Variants in CCDC102B observed in about 807,000 individuals in gnomAD.
CCDC102B encodes the protein coiled-coil domain containing 102B.
In CCDC102B, 75 loss-of-function variants were observed where a neutral mutation model predicts 57.4. That is an observed-to-expected ratio of 1.31 (90% confidence interval 1.08 to 1.58). The LOEUF is 1.58. Among genes scored for constraint, CCDC102B ranks in the 40% most tolerant of loss-of-function variants. CCDC102B has a pLI of 0.00. For missense variants in CCDC102B, 636 were observed against 582.6 expected, an observed-to-expected ratio of 1.09 and a Z score of -0.94; for synonymous variants, 206 against 201.9, an observed-to-expected ratio of 1.02 and a Z score of -0.17.
chr18:68,918,992 T>G (rs541850370), intron 6 of CCDC102B, among the ~76,000 whole-genome samples: 1 of 152,122 alleles, frequency 6.6e-6, no homozygotes, highest in Admixed American at 6.6e-5. Flanking sequence ...GGAATATACA[T>G]TATCACATCT....
At chr18:68,900,119 C>T (rs540138060) in intron 6 of CCDC102B, 2 of 152,248 alleles carry the variant, frequency 1.3e-5, no homozygotes, top group South Asian at 2.1e-4. Flanking sequence ...TTTCGATTTG[C>T]TGTTGCTCTT....
chr18:68,794,237 A>G (rs761490901), upstream of CCDC102B, among the ~76,000 whole-genome samples: 45 of 152,108 alleles, frequency 3.0e-4, no homozygotes, highest in Admixed American at 7.9e-4. Flanking sequence ...TCACCAGCTT[A>G]TTATCATTTA....
intron 2 of CCDC102B, among the ~76,000 whole-genome samples, chr18:68,784,363 T>TTA (rs2035114651): frequency 6.6e-6 from 1 of 152,026 alleles, no homozygotes. Flanking sequence ...ACGAGAATTC[T>TTA]TATCATGAGA....
intron 2 of CCDC102B, among the ~76,000 whole-genome samples, chr18:68,780,190 G>A (rs2034960708): frequency 6.6e-6 from 1 of 151,904 alleles, no homozygotes; most frequent in Non-Finnish European, 1.5e-5. Context: ...GCATGCATCA[G>A]TACTTTATTG....
At chr18:68,815,670 A>G (rs1048641787) in intron 1 of CCDC102B, among the ~76,000 whole-genome samples, 1 of 90,828 alleles carries the variant, frequency 1.1e-5, no homozygotes, top group Non-Finnish European at 2.4e-5. Flanking sequence ...CTTCACCTCC[A>G]TTTACATACA....
At chr18:68,789,118 G>T (rs1034354155) in intron 2 of CCDC102B, among the ~76,000 whole-genome samples, 6 of 152,108 alleles carry the variant, frequency 3.9e-5, no homozygotes, top group Non-Finnish European at 7.4e-5. Context: ...TGAAATTCTG[G>T]GTTGAAAATT....
At chr18:68,757,685 T>G (rs2034100129) in intron 2 of CCDC102B, among the ~76,000 whole-genome samples, 1 of 152,180 alleles carries the variant, frequency 6.6e-6, no homozygotes. Context: ...ATTTAAGATT[T>G]TAAAGAAAAA....
chr18:68,956,584 ATATT>A lies in CCDC102B; in HGVS notation c.1264-54349_1264-54346del, dbSNP rs1375982953. ...TATATTATATATTTTATATATATAA[ATATT>A]ATATATATATTATATATATATAAAA... On this transcript the variant is annotated intron_variant, in intron 6 of 7. Transcript: ENST00000360242. Among the ~76,000 whole-genome samples the A allele has an allele frequency of 1.0e-3, 54 of 52,578 alleles. 3 individuals carry two copies. The highest frequency in any genetic ancestry group is 4.1e-3 in the African/African-American group (52 of 12,754). 34.5% of individuals were successfully genotyped at this position (52,578 alleles called of 152,430 possible).
intron 2 of CCDC102B, among the ~76,000 whole-genome samples, chr18:68,783,840 C>T (rs768661320): frequency 2.0e-5 from 3 of 152,054 alleles, no homozygotes; most frequent in African/African-American, 2.4e-5. Context: ...ACATACTATA[C>T]GGAGCCTATT....
intron 2 of CCDC102B, among the ~76,000 whole-genome samples, chr18:68,735,611 G>A (rs949250475): frequency 2.6e-5 from 4 of 151,988 alleles, no homozygotes; most frequent in Non-Finnish European, 5.9e-5. Context: ...TGCATATCCT[G>A]TTTGGCCCAA....
intron 2 of CCDC102B, among the ~76,000 whole-genome samples, chr18:68,765,303 AGG>A (rs1449605734): frequency 0.017 from 1,437 of 84,876 alleles, 34 homozygotes; most frequent in African/African-American, 0.059. Flanking sequence ...AAAGGAAGGA[AGG>A]AAGGAAGGAA....
rs2041405961 is a variant in CCDC102B at position 68,924,430 on chromosome 18, C to G, written c.1263+27002C>G. Among the ~76,000 whole-genome samples the G allele has an allele frequency of 3.3e-5, 5 of 152,202 alleles. No individual in the cohort carries two copies. In the South Asian group the frequency reaches 1.0e-3, roughly 32 times the overall value. ...ACCTTGTGAAGACGGTGTCTTGCTT[C>G]CTCTCTGCCTTCTGCCATAATTGTA... is the stretch of plus-strand genomic sequence containing the variant. On this transcript the variant is annotated intron_variant, in intron 6 of 7. Transcript: ENST00000360242.
chr18:68,895,433 A>G (rs1434908002), intron 5 of CCDC102B, among the ~76,000 whole-genome samples: 1 of 151,766 alleles, frequency 6.6e-6, no homozygotes, highest in Non-Finnish European at 1.5e-5. Context: ...ATATTGTTGA[A>G]ATGTAACATT....
chr18:68,905,729 C>T (rs73462087), intron 6 of CCDC102B, among the ~76,000 whole-genome samples: 5,916 of 147,564 alleles, frequency 0.04, 200 homozygotes, highest in African/African-American at 0.082. Flanking sequence ...TTCTGGATTT[C>T]GGGATATTTC....
chr18:69,040,385 G>GGTGTGTGTGT (rs908583162), intron 7 of CCDC102B, among the ~76,000 whole-genome samples: 2 of 57,314 alleles, frequency 3.5e-5, no homozygotes, highest in African/African-American at 6.4e-5. Context: ...TAGATGCAGG[G>GGTGTGTGTGT]GTGTGTGTGT....
chr18:68,834,818 T>C (rs1259036230), intron 1 of CCDC102B, among the ~76,000 whole-genome samples: 1 of 151,944 alleles, frequency 6.6e-6, no homozygotes, highest in Non-Finnish European at 1.5e-5. Flanking sequence ...AGTCTTTTTT[T>C]CCCAATGATT....
At chr18:68,927,541 T>A (rs1174297681) in intron 6 of CCDC102B, among the ~76,000 whole-genome samples, 1 of 151,996 alleles carries the variant, frequency 6.6e-6, no homozygotes, top group Non-Finnish European at 1.5e-5. Flanking sequence ...TTTCCCTACC[T>A]GGGAAGACGC....
At chr18:68,721,906 A>G (rs1437856929) in intron 2 of CCDC102B, among the ~76,000 whole-genome samples, 1 of 152,208 alleles carries the variant, frequency 6.6e-6, no homozygotes, top group African/African-American at 2.4e-5. Context: ...AACCTCAACC[A>G]TAGGAACTTG....
chr18:68,945,444 T>C (rs1331110410), intron 6 of CCDC102B, among the ~76,000 whole-genome samples: 1 of 152,080 alleles, frequency 6.6e-6, no homozygotes, highest in African/African-American at 2.4e-5. Context: ...AAAATATATC[T>C]ATATTCTCTA....
Sources: allele counts gnomAD v4.1 joint callset (sites outside exome capture counted in the v4.1 genomes callset), GRCh38; gene constraint gnomAD v4.1.1; transcripts MANE v1.5; gene names NCBI Gene and HGNC (gene_info 2026-07-23, HGNC 2026-07-21).